The following CRTC3 variants were observed in gnomAD, a reference collection of about 807,000 sequenced individuals.
The protein encoded by CRTC3 is CREB-regulated transcription coactivator 3.
CRTC3 carries 26 observed loss-of-function variants against 74.5 expected under a neutral mutation model. That is an observed-to-expected ratio of 0.35 (90% CI 0.26 to 0.48). CRTC3 has a LOEUF of 0.48. Ranked by LOEUF, CRTC3 falls within the 20% of genes least tolerant of loss-of-function variation. The pLI is 0.99. For missense variants in CRTC3, 760 were observed against 787.3 expected, an observed-to-expected ratio of 0.97 and a Z score of 0.41; for synonymous variants, 377 against 325.8, an observed-to-expected ratio of 1.16 and a Z score of -1.69.
Position 90,599,860 on chromosome 15 carries a change from TG to T in CRTC3, c.352-2462del, listed in dbSNP as rs572587031. On this transcript the variant is annotated intron_variant, in intron 3 of 14. Coordinates refer to ENST00000268184, the MANE Select transcript of CRTC3 (RefSeq NM_022769.5). The stretch of plus-strand genomic sequence containing the variant: ...AAAGATGGCAGTGTACTGAGAAAAA[TG>T]GTAAACTTCTACTTCCTGAAATTAA... 7.2e-5 allele frequency among the ~76,000 whole-genome samples: 11 copies of T among 152,242 alleles called. No individual in the cohort carries two copies. The East Asian group carries it at 2.1e-3, about 29-fold the overall frequency.
intron 1 of CRTC3, among the ~76,000 whole-genome samples, chr15:90,539,420 A>G (rs1357933808): frequency 3.1e-5 from 1 of 32,402 alleles, no homozygotes; most frequent in Non-Finnish European, 8.2e-5. Flanking sequence ...TCATATGTAT[A>G]TTATAAACTC....
chr15:90,536,457 T>C (rs1380235229), intron 1 of CRTC3, among the ~76,000 whole-genome samples: 1 of 148,542 alleles, frequency 6.7e-6, no homozygotes, highest in Non-Finnish European at 1.5e-5. Context: ...ATTGTGACAC[T>C]GCACTCCAGC....
chr15:90,610,068 C>T (rs946863337), intron 6 of CRTC3, among the ~76,000 whole-genome samples: 2 of 152,118 alleles, frequency 1.3e-5, no homozygotes, highest in African/African-American at 4.8e-5. Flanking sequence ...AAATATTATT[C>T]AAGTCTCCAA....
intron 4 of CRTC3, among the ~76,000 whole-genome samples, chr15:90,602,997 C>T (rs1039692858): frequency 6.6e-6 from 1 of 151,856 alleles, no homozygotes; most frequent in African/African-American, 2.4e-5. Flanking sequence ...AACACCTAAG[C>T]ATTTCCAATG....
At chr15:90,633,840 GTC>G (rs1969133182) in intron 11 of CRTC3, among the ~76,000 whole-genome samples, 1 of 151,640 alleles carries the variant, frequency 6.6e-6, no homozygotes, top group Non-Finnish European at 1.5e-5. Flanking sequence ...CTGGAAGATT[GTC>G]TCAGCTTTAT....
At chr15:90,614,951 A>C (rs957844994) in intron 7 of CRTC3, among the ~76,000 whole-genome samples, 1 of 152,048 alleles carries the variant, frequency 6.6e-6, no homozygotes, top group African/African-American at 2.4e-5. Context: ...GTGGTCCCAG[A>C]TACTCAGGAG....
At chr15:90,579,798 T>C (rs1373482344) in intron 2 of CRTC3, among the ~76,000 whole-genome samples, 1 of 151,974 alleles carries the variant, frequency 6.6e-6, no homozygotes, top group Non-Finnish European at 1.5e-5. Context: ...CCCGCCACCA[T>C]GCCCAGCTAA....
chr15:90,600,772 C>T (rs1249635772), intron 3 of CRTC3: 2 of 152,124 alleles, frequency 1.3e-5, no homozygotes, highest in Non-Finnish European at 2.9e-5. Context: ...TTATTATTTC[C>T]ACCTTAAGAA....
chr15:90,532,978 G>A (rs1054903469), intron 1 of CRTC3, among the ~76,000 whole-genome samples: 1 of 149,186 alleles, frequency 6.7e-6, no homozygotes, highest in Middle Eastern at 3.6e-3. Flanking sequence ...CCAGCTACTC[G>A]GGAGGCTGAG....
At position 90,642,313 on chromosome 15, in the gene CRTC3, T is replaced by C; in HGVS notation, c.*173T>C. On this transcript the variant is annotated 3_prime_UTR_variant, in exon 15 of 15. Transcript: ENST00000268184. ...CTCAGACACTGTGGCTTCCTCCAGA[T>C]CACACAGCTTTGTACTGCCTCTCCC... 1.6e-6 allele frequency: 1 copy of C among 620,144 alleles called. No individual in the cohort carries two copies. Among genetic ancestry groups the C allele is most frequent in the Non-Finnish European group, 2.8e-6 (1 of 352,492 alleles). The allele number at this position is 620,144 out of a possible 1,614,324, so 38.4% of individuals were successfully genotyped here.
intron 11 of CRTC3, chr15:90,634,836 C>G: frequency 6.5e-7 from 1 of 1,532,576 alleles, no homozygotes; most frequent in Non-Finnish European, 9.0e-7. Flanking sequence ...AGAAAAATCT[C>G]AAGGAAAAGT....
chr15:90,584,329 C>T lies in CRTC3; in HGVS notation c.232-9307C>T, dbSNP rs183192523. Reference sequence around the variant, plus strand: ...CTCAGCTCCCTACACCCTCCACCTCCTGGATTCAAACAATTCTCCTGCCTC... The same window carrying T: ...CTCAGCTCCCTACACCCTCCACCTCTTGGATTCAAACAATTCTCCTGCCTC... On this transcript the variant is annotated intron_variant, in intron 2 of 14. Coordinates refer to ENST00000268184, the MANE Select transcript of CRTC3 (RefSeq NM_022769.5). 4.0e-5 allele frequency among the ~76,000 whole-genome samples: 6 copies of T among 151,580 alleles called. No individual in the cohort carries two copies. In the East Asian group the frequency reaches 9.7e-4, roughly 25 times the overall value.
At chr15:90,548,160 A>G (rs1966847900) in intron 2 of CRTC3, among the ~76,000 whole-genome samples, 4 of 130,382 alleles carry the variant, frequency 3.1e-5, no homozygotes, top group Admixed American at 2.2e-4. Context: ...AAGTGGTAGG[A>G]TTACAGGTGT....
rs528382877 is a variant in CRTC3 at position 90,642,368 on chromosome 15, C to T, written c.*228C>T. Reference sequence around the variant, plus strand: ...GTGGCCAAAGTCGTGTTGCAGCAGGCAGGCTGCTTGGAGCTTCCCATGAAC... The same window carrying T: ...GTGGCCAAAGTCGTGTTGCAGCAGGTAGGCTGCTTGGAGCTTCCCATGAAC... On this transcript the variant is annotated 3_prime_UTR_variant, in exon 15 of 15. Coordinates refer to ENST00000268184, the MANE Select transcript of CRTC3 (RefSeq NM_022769.5). 12 of 561,540 alleles carry T rather than the reference C, an allele frequency of 2.1e-5. No individual in the cohort carries two copies. The highest frequency in any genetic ancestry group is 9.0e-5 in the East Asian group (3 of 33,502). The allele number at this position is 561,540 out of a possible 1,614,324, so 34.8% of individuals were successfully genotyped here.
chr15:90,562,611 A>G (rs1298453457), intron 2 of CRTC3, among the ~76,000 whole-genome samples: 1 of 151,962 alleles, frequency 6.6e-6, no homozygotes, highest in Non-Finnish European at 1.5e-5. Context: ...CTCGTCTTAG[A>G]ATATATTCTG....
At chr15:90,596,662 G>T (rs1967934347) in intron 3 of CRTC3, among the ~76,000 whole-genome samples, 2 of 152,114 alleles carry the variant, frequency 1.3e-5, no homozygotes, top group Admixed American at 6.5e-5. Flanking sequence ...TTTTATTTTG[G>T]TGTTAATCTA....
chr15:90,590,255 T>C (rs1967769315), intron 2 of CRTC3, among the ~76,000 whole-genome samples: 2 of 150,176 alleles, frequency 1.3e-5, no homozygotes, highest in Non-Finnish European at 3.0e-5. Context: ...ATCATACCAC[T>C]TCACTCCAGC....
intron 2 of CRTC3, among the ~76,000 whole-genome samples, chr15:90,565,448 G>T (rs1274202457): frequency 6.6e-6 from 1 of 152,320 alleles, no homozygotes; most frequent in African/African-American, 2.4e-5. Context: ...ACAAATTTTT[G>T]AGTGATATTC....
intron 2 of CRTC3, among the ~76,000 whole-genome samples, chr15:90,561,065 A>T (rs1045170887): frequency 6.6e-6 from 1 of 152,202 alleles, no homozygotes; most frequent in Non-Finnish European, 1.5e-5. Context: ...ACTGGATCGT[A>T]GACAAGATCG....
Sources: gnomAD v4.1 joint callset for allele counts (sites outside exome capture counted in the v4.1 genomes callset) on GRCh38, gnomAD v4.1.1 for gene constraint, MANE v1.5 for transcripts, NCBI Gene and HGNC (gene_info 2026-07-23, HGNC 2026-07-21) for gene names.